Variants in ERCC5 observed in about 807,000 individuals in gnomAD.
ERCC5 encodes ERCC excision repair 5, endonuclease.
ERCC5 carries 68 observed loss-of-function variants against 105.6 expected under a neutral mutation model. That is an observed-to-expected ratio of 0.64 (90% CI 0.53 to 0.79). The LOEUF is 0.79. Ranked by LOEUF, ERCC5 falls within the 30% of genes least tolerant of loss-of-function variation. The pLI is 0.00. For missense variants in ERCC5, 1,373 were observed against 1,426.7 expected (o/e 0.96, Z 0.61); for synonymous variants, 546 against 526.2 (o/e 1.04, Z -0.51).
In ERCC5 at chr13:102,862,516, A is replaced by G; in HGVS notation, c.1367A>G (p.Glu456Gly). The part of the protein sequence containing the change: ...LASSSVNSAE[E>G]HVASTNEGRE... ...TCATCTAGTGTGAACTCTGCAGAGG[A>G]GCACGTAGCCAGCACTAATGAGGGG... The change falls in exon 8 of 15, where the codon GAG (glutamate) becomes GGG (glycine). Residue 456 changes from glutamate to glycine, a missense_variant. Around this residue, in one of 3 missense-constraint regions of ERCC5, gnomAD observed 1,004 missense variants for 1,059.7 expected, o/e 0.95. Transcript: ENST00000652225. The G allele has an allele frequency of 6.2e-7, 1 of 1,614,154 alleles. No homozygotes were observed. The highest frequency in any genetic ancestry group is 8.5e-7 in the Non-Finnish European group (1 of 1,180,036).
intron 9 of ERCC5, 24 bp from the exon 10 acceptor site, chr13:102,866,238 T>C: frequency 6.2e-7 from 1 of 1,612,716 alleles, no homozygotes; most frequent in Non-Finnish European, 8.5e-7. Flanking sequence ...AATATAAATC[T>C]ATAAATGAAA....
chr13:102,874,549 TCTCA>T (rs1228163819), intron 14 of ERCC5, among the ~76,000 whole-genome samples: 1 of 151,910 alleles, frequency 6.6e-6, no homozygotes, highest in Non-Finnish European at 1.5e-5. Context: ...TGAGACGGAG[TCTCA>T]CTCTGTCTCC....
intron 5 of ERCC5, among the ~76,000 whole-genome samples, chr13:102,856,494 CTG>C (rs1218994428): frequency 6.6e-6 from 1 of 152,126 alleles, no homozygotes; most frequent in Non-Finnish European, 1.5e-5. Context: ...AGTTGAATAT[CTG>C]TGTGTGTATT....
intron 14 of ERCC5, among the ~76,000 whole-genome samples, chr13:102,873,891 C>T (rs1046382946): frequency 3.9e-5 from 6 of 152,106 alleles, no homozygotes; most frequent in African/African-American, 7.2e-5. Context: ...AGCTTTCGCC[C>T]ACACTAGAAA....
In ERCC5 at chr13:102,861,649, T is replaced by C. The variant is rs41545721; in HGVS notation, c.815T>C (p.Phe272Ser). Residue 272 changes from phenylalanine (F) to serine (S), a missense_variant, in exon 7 of 15, where the codon TTT (phenylalanine) becomes TCT (serine). Physicochemically the swap from Phe to Ser is radical, Grantham distance 155 (BLOSUM62 -2). Coordinates refer to ENST00000652225, the MANE Select transcript of ERCC5 (RefSeq NM_000123.4). ...AGGCAGTATGAAGATGAAGGGGGCTTTCTGAAGGAGGTAGAGTCAAGGAGA... is the reference window on the plus strand; with the variant it reads ...AGGCAGTATGAAGATGAAGGGGGCTCTCTGAAGGAGGTAGAGTCAAGGAGA... ...IRRQYEDEGG[F>S]LKEVESRRVV... 6.2e-7 allele frequency: 1 copy of C among 1,614,120 alleles called. No homozygotes were observed. The highest frequency in any genetic ancestry group is 1.1e-5 in the South Asian group (1 of 91,088).
At chr13:102,846,469 G>A in intron 1 of ERCC5, 115 bp downstream of exon 1, 1 of 907,906 alleles carries the variant, frequency 1.1e-6, no homozygotes, top group South Asian at 1.4e-5. Flanking sequence ...GGTCGGGGTC[G>A]GGGTCGCTAT....
intron 10 of ERCC5, 100 bp from the exon 11 acceptor site, chr13:102,866,532 G>A (rs1009907714): frequency 6.2e-7 from 1 of 1,600,904 alleles, no homozygotes; most frequent in South Asian, 1.1e-5. Context: ...AACTCTGCAG[G>A]AATGAATGCA....
chr13:102,872,440 A>G, intron 13 of ERCC5, 42 bp downstream of exon 13: 2 of 1,606,816 alleles, frequency 1.2e-6, no homozygotes. Context: ...ACCTTGTCAA[A>G]TATGTGTTTG....
chr13:102,854,204 G>A lies in ERCC5; in HGVS notation c.381-84G>A, dbSNP rs561169638. ...GCTGCATTTATTTTCCACAGCAGTGGCCTGAGAGCAGCCAGGTCAGGTCCC... is the reference window on the plus strand; with the variant it reads ...GCTGCATTTATTTTCCACAGCAGTGACCTGAGAGCAGCCAGGTCAGGTCCC... On this transcript the variant is annotated intron_variant, in intron 3 of 14. Transcript: ENST00000652225. 515 of 1,408,100 alleles carry A rather than the reference G, an allele frequency of 3.7e-4. 3 individuals carry two copies. The South Asian group carries it at 5.7e-3, about 16-fold the overall frequency. 87.2% of individuals were successfully genotyped at this position (1,408,100 alleles called of 1,614,324 possible).
At chr13:102,851,971 C>T in intron 1 of ERCC5, 147 bp from the exon 2 acceptor site, 1 of 882,078 alleles carries the variant, frequency 1.1e-6, no homozygotes, top group Non-Finnish European at 1.7e-6. Context: ...TAGGTAGATC[C>T]CATGAGAGCT....
chr13:102,858,533 A>C lies in ERCC5; in HGVS notation c.672+115A>C, dbSNP rs4150297. On this transcript the variant is annotated intron_variant, in intron 6 of 14. Coordinates refer to ENST00000652225, the MANE Select transcript of ERCC5 (RefSeq NM_000123.4). ...TTACACGATATCTCAGTTAACAGTA[A>C]ACAGCATTTCTACATCTCAGATTCT... 4.0e-3 allele frequency: 5,771 copies of C among 1,432,240 alleles called. 187 individuals carry two copies. In the African/African-American group the frequency reaches 0.07, roughly 17 times the overall value. 88.7% of individuals were successfully genotyped at this position (1,432,240 alleles called of 1,614,324 possible).
At chr13:102,858,152 T>G in intron 5 of ERCC5, 123 bp from the exon 6 acceptor site, 1 of 1,385,606 alleles carries the variant, frequency 7.2e-7, no homozygotes, top group Non-Finnish European at 1.0e-6. Context: ...GCAACTGTGT[T>G]TAGCCAATTG....
At chr13:102,857,506 C>T (rs1328412606) in intron 5 of ERCC5, among the ~76,000 whole-genome samples, 2 of 152,186 alleles carry the variant, frequency 1.3e-5, no homozygotes, top group Admixed American at 1.3e-4. Flanking sequence ...ATGTAACATA[C>T]AGACATGCAG....
intron 1 of ERCC5, chr13:102,849,128 TA>T (rs1882095129): frequency 1.9e-6 from 1 of 518,822 alleles, no homozygotes. Flanking sequence ...ACTATACTTG[TA>T]GCAAGCAGAA....
Position 102,875,707 on chromosome 13 carries a change from C to CA in ERCC5, c.3370dup (p.Thr1124AsnfsTer26), listed in dbSNP as rs1460687250. 1 of 1,614,028 alleles carries CA rather than the reference C, an allele frequency of 6.2e-7. No individual in the cohort carries two copies. Among genetic ancestry groups the CA allele is most frequent in the South Asian group, 1.1e-5 (1 of 91,066 alleles). On this transcript the variant is annotated frameshift_variant, in exon 15 of 15. Transcript: ENST00000652225. LOFTEE classifies it low-confidence loss of function (END_TRUNC). ...CAAAGGAGAACAGCTGCGAAAGAGC[C>CA]AAAAACCAGTGCTTCAGATTCGCAG...
At chr13:102,846,521 G>C (rs376556460) in intron 1 of ERCC5, among the ~76,000 whole-genome samples, 167 bp downstream of exon 1, 2 of 152,162 alleles carry the variant, frequency 1.3e-5, no homozygotes, top group Admixed American at 6.5e-5. Flanking sequence ...GTCGTCCCTC[G>C]GTATCCCCGG....
rs41548912 is a variant in ERCC5, at chr13:102,851,981, T to C, written c.89-137T>C. ...GACTTTAGGTAGATCCCATGAGAGCTAAATGTTTTTCAATTTTAAATGAAT... is the reference window on the plus strand; with the variant it reads ...GACTTTAGGTAGATCCCATGAGAGCCAAATGTTTTTCAATTTTAAATGAAT... On this transcript the variant is annotated intron_variant, in intron 1 of 14. Transcript: ENST00000652225. The C allele has an allele frequency of 0.033, 34,075 of 1,020,210 alleles. 736 individuals are homozygous for C. The highest frequency in any genetic ancestry group is 0.042 in the Non-Finnish European group (28,946 of 689,050). The allele number at this position is 1,020,210 out of a possible 1,614,324, so 63.2% of individuals were successfully genotyped here. A position where few individuals can be genotyped will look rare whatever the true frequency, so the allele number is the denominator to read the frequency against.
intron 3 of ERCC5, 31 bp from the exon 4 acceptor site, chr13:102,854,247 AGGGTCTGCAT>A: frequency 6.2e-7 from 1 of 1,604,994 alleles, no homozygotes; most frequent in Non-Finnish European, 8.5e-7. Context: ...CATCCTGAGC[AGGGTCTGCAT>A]AATCTGTTTA....
intron 6 of ERCC5, among the ~76,000 whole-genome samples, chr13:102,860,552 G>A (rs556974733): frequency 5.5e-4 from 83 of 152,282 alleles, no homozygotes; most frequent in African/African-American, 2.0e-3. Flanking sequence ...TGAGGGGGCT[G>A]TCTACTATGT....
Sources: gnomAD v4.1 joint callset for allele counts (sites outside exome capture counted in the v4.1 genomes callset) on GRCh38, gnomAD v4.1.1 for gene constraint, gnomAD v4.1.1 regional missense constraint, MANE v1.5 for transcripts, NCBI Gene and HGNC (gene_info 2026-07-23, HGNC 2026-07-21) for gene names.